PLG: variants seen among roughly 807,000 people sequenced by gnomAD.
The protein encoded by PLG is plasmin.
PLG carries 41 observed loss-of-function variants against 104.4 expected under a neutral mutation model. The ratio of observed to expected loss-of-function variants is 0.39; its 90% CI spans 0.31 to 0.51. The LOEUF (loss-of-function observed/expected upper bound fraction) is 0.51, where lower values mean the gene tolerates loss of function less well. PLG is among the 20% of genes least tolerant of loss of function. The probability of loss-of-function intolerance (pLI) is 0.76; values close to 1 mark genes in which losing one functional copy is unlikely to be tolerated. For missense variants in PLG, 891 were observed against 1,003.6 expected, an observed-to-expected ratio of 0.89 and a Z score of 1.52; for synonymous variants, 337 against 357.1, an observed-to-expected ratio of 0.94 and a Z score of 0.63.
intron 17 of PLG, among the ~76,000 whole-genome samples, chr6:160,743,160 T>C (rs1046411951): frequency 6.6e-6 from 1 of 152,262 alleles, no homozygotes; most frequent in East Asian, 1.9e-4. Context: ...TGGTTATATA[T>C]AAATTTTTGA....
Position 160,738,489 on chromosome 6 carries a change from A to T in PLG, c.1803-49A>T, listed in dbSNP as rs1477428033. The T allele has an allele frequency of 1.8e-6, 2 of 1,091,808 alleles. No individual in the cohort carries two copies. Among genetic ancestry groups the T allele is most frequent in the African/African-American group, 3.1e-5 (2 of 65,000 alleles). 67.6% of individuals were successfully genotyped at this position (1,091,808 alleles called of 1,614,324 possible). ...TTTCTGGCTTTCTGTACAATGGAGC[A>T]GAACAAAGTATCAATTTAACTAAAA... On this transcript the variant is annotated intron_variant, in intron 14 of 18. Coordinates refer to ENST00000308192, the MANE Select transcript of PLG (RefSeq NM_000301.5). The surrounding 1 kb of genome is among the most constrained non-coding windows in gnomAD (Gnocchi z 6.8).
rs1228855762 is a variant in PLG, at chr6:160,718,429, A to T, written c.923A>T (p.Asn308Ile). 4 of 1,613,646 alleles carry T rather than the reference A, an allele frequency of 2.5e-6. No homozygotes were observed. In the Admixed American group the frequency reaches 5.0e-5, roughly 20 times the overall value. ...HWSAQTPHTH[N>I]RTPENFPCKN... The stretch of plus-strand genomic sequence containing the variant: ...AGTGCACAGACCCCTCACACACATA[A>T]CAGGACACCAGAAAACTTCCCCTGC... Residue 308 changes from asparagine (N) to isoleucine (I), a missense_variant, in exon 8 of 19, where the codon AAC becomes ATC. Coordinates refer to ENST00000308192, the MANE Select transcript of PLG (RefSeq NM_000301.5).
In PLG at chr6:160,725,556, A is replaced by G. The variant is rs1777908935; in HGVS notation, c.1256+2989A>G. ...AAAAAGAATGAAGAAGATATGGCAA[A>G]GAGAGAAAATACACAGCATTATGGT... On this transcript the variant is annotated intron_variant, in intron 10 of 18. Coordinates refer to ENST00000308192, the MANE Select transcript of PLG (RefSeq NM_000301.5). This position sits in a 1 kb window ranked among gnomAD's most constrained non-coding sequence, Gnocchi z 6.3. Among the ~76,000 whole-genome samples the G allele has an allele frequency of 6.6e-6, 1 of 152,168 alleles. No homozygotes were observed. The highest frequency in any genetic ancestry group is 2.4e-5 in the African/African-American group (1 of 41,444).
chr6:160,727,519 T>A (rs1356093978), intron 10 of PLG, among the ~76,000 whole-genome samples: 1 of 151,160 alleles, frequency 6.6e-6, no homozygotes, highest in Non-Finnish European at 1.5e-5. Context: ...GCACATTATG[T>A]ATTGTGAACA....
chr6:160,723,495 A>G lies in PLG; in HGVS notation c.1256+928A>G, dbSNP rs532086724. ...TGGAGACTTCCTGGGCTGAAGAACA[A>G]GGAGATGGAGCCCAAGCCGACCACA... On this transcript the variant is annotated intron_variant, in intron 10 of 18. Transcript: ENST00000308192. The surrounding 1 kb of genome is among the most constrained non-coding windows in gnomAD (Gnocchi z 4.7). Among the ~76,000 whole-genome samples the G allele has an allele frequency of 6.6e-6, 1 of 152,320 alleles. No homozygotes were observed. Among genetic ancestry groups the G allele is most frequent in the East Asian group, 1.9e-4 (1 of 5,186 alleles).
intron 17 of PLG, among the ~76,000 whole-genome samples, chr6:160,747,925 TGAGGCTCAGA>T (rs1479341021): frequency 6.6e-6 from 1 of 152,146 alleles, no homozygotes; most frequent in Non-Finnish European, 1.5e-5. Flanking sequence ...ATGAGGAGCC[TGAGGCTCAGA>T]GAATGTGTGG....
At chr6:160,703,212 C>T (rs571864931) in intron 1 of PLG, among the ~76,000 whole-genome samples, 6 of 151,308 alleles carry the variant, frequency 4.0e-5, no homozygotes, top group South Asian at 2.1e-4. Context: ...CACTTTTCAG[C>T]TTTGTTTAAG....
chr6:160,720,783 T>G (rs1777817183), intron 9 of PLG, among the ~76,000 whole-genome samples: 1 of 152,214 alleles, frequency 6.6e-6, no homozygotes, highest in Non-Finnish European at 1.5e-5. Flanking sequence ...CGTTTCTTTT[T>G]GCACTTTTCT....
chr6:160,714,109 G>T (rs1230042962), intron 5 of PLG, among the ~76,000 whole-genome samples: 2 of 152,096 alleles, frequency 1.3e-5, no homozygotes, highest in African/African-American at 4.8e-5. Context: ...TATTAAGTCT[G>T]CCCGTTTTCC....
At chr6:160,715,273 T>A (rs904310202) in intron 6 of PLG, among the ~76,000 whole-genome samples, 1 of 152,150 alleles carries the variant, frequency 6.6e-6, no homozygotes, top group Non-Finnish European at 1.5e-5. Context: ...CACACACACA[T>A]GTTGCTGGTG....
In PLG at chr6:160,724,745, T is replaced by A. The variant is rs1366944268; in HGVS notation, c.1256+2178T>A. ...TGTTATATCCAGCAAAAATATCCCTTGAAAGTGAATGTTATATAAATACAT... is the reference window on the plus strand; with the variant it reads ...TGTTATATCCAGCAAAAATATCCCTAGAAAGTGAATGTTATATAAATACAT... On this transcript the variant is annotated intron_variant, in intron 10 of 18. Coordinates refer to ENST00000308192, the MANE Select transcript of PLG (RefSeq NM_000301.5). The surrounding 1 kb of genome is among the most constrained non-coding windows in gnomAD (Gnocchi z 5.0). 6.6e-6 allele frequency among the ~76,000 whole-genome samples: 1 copy of A among 152,100 alleles called. No homozygotes were observed. Among genetic ancestry groups the A allele is most frequent in the Non-Finnish European group, 1.5e-5 (1 of 68,028 alleles).
At position 160,742,671 on chromosome 6, in the gene PLG, AT is replaced by A. The variant is rs556253755; in HGVS notation, c.2125+1259del. On this transcript the variant is annotated intron_variant, in intron 17 of 18. Coordinates refer to ENST00000308192, the MANE Select transcript of PLG (RefSeq NM_000301.5). ...AAGTTTAATTAGATCCCATTTGTCA[AT>A]TTTTGCCTTTGTTGAGATTGCTTTT... is the stretch of plus-strand genomic sequence containing the variant. 7.9e-5 allele frequency among the ~76,000 whole-genome samples: 12 copies of A among 151,640 alleles called. No individual in the cohort carries two copies. In the South Asian group the frequency reaches 2.5e-3, roughly 32 times the overall value.
chr6:160,746,458 G>A (rs1157551726), intron 17 of PLG, among the ~76,000 whole-genome samples: 2 of 152,130 alleles, frequency 1.3e-5, no homozygotes, highest in African/African-American at 4.8e-5. Context: ...CTTACAGTTT[G>A]TTTCTCAGCT....
intron 6 of PLG, 120 bp downstream of exon 6, chr6:160,715,034 T>C: frequency 1.0e-6 from 1 of 997,872 alleles, no homozygotes; most frequent in Non-Finnish European, 1.5e-6. Flanking sequence ...TGTTTTTAAT[T>C]TCAAAGCTAA....
chr6:160,708,819 C>T lies in PLG; in HGVS notation c.292+1013C>T, dbSNP rs1273790620. On this transcript the variant is annotated intron_variant, in intron 3 of 18. Transcript: ENST00000308192. ...ATCTTCCTGGGTTTCATTAGCTGTACGCATTGTACTTCCTTCCTTACCACT... is the reference window on the plus strand; with the variant it reads ...ATCTTCCTGGGTTTCATTAGCTGTATGCATTGTACTTCCTTCCTTACCACT... Among the ~76,000 whole-genome samples the T allele has an allele frequency of 2.0e-5, 3 of 152,180 alleles. No individual in the cohort carries two copies. In the East Asian group the frequency reaches 5.8e-4, roughly 29 times the overall value.
intron 1 of PLG, among the ~76,000 whole-genome samples, chr6:160,702,778 T>C (rs1404667238): frequency 6.6e-6 from 1 of 152,210 alleles, no homozygotes; most frequent in African/African-American, 2.4e-5. Context: ...TTCCGTTCTC[T>C]CACCAGTTCA....
chr6:160,729,272 G>C (rs1777961742), intron 10 of PLG, among the ~76,000 whole-genome samples: 1 of 152,230 alleles, frequency 6.6e-6, no homozygotes, highest in Non-Finnish European at 1.5e-5. Context: ...CTGATGTGGA[G>C]CGAGGATGTG....
chr6:160,706,655 T>G (rs898553354), intron 2 of PLG, 113 bp downstream of exon 2: 1 of 1,080,576 alleles, frequency 9.3e-7, no homozygotes, highest in Admixed American at 1.8e-5. Context: ...GAGCCAGAGT[T>G]TGGAACTATA....
At position 160,726,500 on chromosome 6, in the gene PLG, G is replaced by A. The variant is rs1777924285; in HGVS notation, c.1256+3933G>A. ...CATGTAAAAATCAATGACTTAAGAT[G>A]GCATTTCTCAAAGTATGCTCTGGAG... On this transcript the variant is annotated intron_variant, in intron 10 of 18. Coordinates refer to ENST00000308192, the MANE Select transcript of PLG (RefSeq NM_000301.5). This position sits in a 1 kb window ranked among gnomAD's most constrained non-coding sequence, Gnocchi z 4.4. 6.6e-6 allele frequency among the ~76,000 whole-genome samples: 1 copy of A among 151,830 alleles called. No homozygotes were observed. Among genetic ancestry groups the A allele is most frequent in the African/African-American group, 2.4e-5 (1 of 41,356 alleles).
Sources: gnomAD v4.1 joint callset for allele counts (sites outside exome capture counted in the v4.1 genomes callset) on GRCh38, gnomAD v4.1.1 for gene constraint, Gnocchi (gnomAD v3.1) non-coding constraint, MANE v1.5 for transcripts, NCBI Gene and HGNC (gene_info 2026-07-23, HGNC 2026-07-21) for gene names.